COL5A3: variants seen among roughly 807,000 people sequenced by gnomAD.
COL5A3 encodes collagen alpha-3(V) chain.
In COL5A3, 172 loss-of-function variants were observed where a neutral mutation model predicts 250.0. The observed-to-expected ratio is 0.69, with a 90% CI of 0.61 to 0.78. The LOEUF (loss-of-function observed/expected upper bound fraction) is 0.78. Ranked by LOEUF, COL5A3 falls within the 30% of genes least tolerant of loss-of-function variation. The probability of loss-of-function intolerance (pLI) is 0.00; values close to 1 mark genes in which losing one functional copy is unlikely to be tolerated. For synonymous variants in COL5A3, 937 were observed against 900.4 expected, an observed-to-expected ratio of 1.04 and a Z score of -0.73; for missense variants, 2,340 against 2,334.4, an observed-to-expected ratio of 1.00 and a Z score of -0.05.
chr19:9,991,122 G>T (rs374084960), intron 24 of COL5A3, among the ~76,000 whole-genome samples: 2 of 152,280 alleles, frequency 1.3e-5, no homozygotes, highest in Admixed American at 1.3e-4. Context: ...TGCGCTGATA[G>T]TCCCAGCTAC....
chr19:9,991,926 A>G (rs1384048803), intron 22 of COL5A3, 78 bp downstream of exon 22: 1 of 1,573,524 alleles, frequency 6.4e-7, no homozygotes, highest in Admixed American at 1.7e-5. Flanking sequence ...GGGGTCAGTC[A>G]TGGAAGGGAA....
chr19:9,969,319 C>A (rs2086795568), intron 57 of COL5A3, 30 bp downstream of exon 57: 5 of 1,570,896 alleles, frequency 3.2e-6, no homozygotes, highest in Non-Finnish European at 4.3e-6. Context: ...TCCTCAGAGC[C>A]AGAACCTCAA....
At chr19:9,991,582 G>C in intron 24 of COL5A3, 28 bp downstream of exon 24, 4 of 1,559,374 alleles carry the variant, frequency 2.6e-6, no homozygotes, top group Non-Finnish European at 3.5e-6. Flanking sequence ...GACTTGAGGA[G>C]GTCGCGGTAG....
In COL5A3 at chr19:9,993,763, G is replaced by A. The variant is rs183331047; in HGVS notation, c.1631C>T (p.Thr544Ile). Residue 544 changes from threonine (T) to isoleucine (I), a missense_variant, in exon 17 of 67, where the codon ACT (threonine) becomes ATT (isoleucine). Thr to Ile is a moderately conservative substitution (Grantham distance 89). Transcript: ENST00000264828. ...ADGARGLPGD[T>I]GPKGDRGFDG... ...GCCCCCATCACCTACCTTAGGTCCAGTGTCCCCTGGGAGGCCCCGAGCTCC... is the reference window on the plus strand; with the variant it reads ...GCCCCCATCACCTACCTTAGGTCCAATGTCCCCTGGGAGGCCCCGAGCTCC... The A allele has an allele frequency of 4.3e-6, 7 of 1,614,146 alleles. No homozygotes were observed. In the Admixed American group the frequency reaches 1.0e-4, roughly 23 times the overall value.
chr19:9,977,357 C>A lies in COL5A3; in HGVS notation c.3234+8G>T. 6.2e-7 allele frequency: 1 copy of A among 1,605,800 alleles called. No homozygotes were observed. Among genetic ancestry groups the A allele is most frequent in the South Asian group, 1.1e-5 (1 of 90,358 alleles). ...CCCCTGGACCCTTCCTCTCTGTGAACCCCTCACCTTGTCCCCTTCCTCGCC... is the reference window on the plus strand; with the variant it reads ...CCCCTGGACCCTTCCTCTCTGTGAAACCCTCACCTTGTCCCCTTCCTCGCC... On this transcript the variant is annotated splice_region_variant and intron_variant, in intron 43 of 66. Coordinates refer to ENST00000264828, the MANE Select transcript of COL5A3 (RefSeq NM_015719.4).
chr19:9,978,224 TA>T (rs1224413484), intron 41 of COL5A3, among the ~76,000 whole-genome samples: 4 of 152,050 alleles, frequency 2.6e-5, no homozygotes, highest in African/African-American at 9.7e-5. Flanking sequence ...ATGGCTATTT[TA>T]CAGACAAGGA....
At chr19:9,966,451 G>A in intron 63 of COL5A3, 25 bp from the exon 64 acceptor site, 1 of 1,582,824 alleles carries the variant, frequency 6.3e-7, no homozygotes, top group Non-Finnish European at 8.6e-7. Flanking sequence ...GGCAGGGTGG[G>A]TGAGTCCGGA....
chr19:9,992,210 G>A (rs537952892), intron 21 of COL5A3, among the ~76,000 whole-genome samples, 162 bp from the exon 22 acceptor site: 1 of 152,042 alleles, frequency 6.6e-6, no homozygotes, highest in East Asian at 1.9e-4. Context: ...ATCACCTGAG[G>A]TCGGGAGTTT....
intron 27 of COL5A3, among the ~76,000 whole-genome samples, chr19:9,988,704 G>A (rs1207384010): frequency 1.3e-5 from 2 of 151,634 alleles, no homozygotes; most frequent in African/African-American, 4.9e-5. Flanking sequence ...GGTGGTGCAT[G>A]CCTGCAGTCC....
At position 9,970,675 on chromosome 19, in the gene COL5A3, C is replaced by G; in HGVS notation, c.3883G>C (p.Gly1295Arg). The G allele has an allele frequency of 7.0e-7, 1 of 1,438,014 alleles. No individual in the cohort carries two copies. Among genetic ancestry groups the G allele is most frequent in the Non-Finnish European group, 9.1e-7 (1 of 1,095,876 alleles). 89.1% of individuals were successfully genotyped at this position (1,438,014 alleles called of 1,614,324 possible). A position where few individuals can be genotyped will look rare whatever the true frequency, so the allele number is the denominator to read the frequency against. Residue 1295 changes from glycine to arginine, a missense_variant and splice_region_variant, in exon 54 of 67, where the codon GGT becomes CGT. Physicochemically the swap from Gly to Arg is moderately radical, Grantham distance 125. Around this residue, in one of 3 missense-constraint regions of COL5A3, gnomAD observed 1,179 missense variants for 1,162.6 expected, o/e 1.01. Coordinates refer to ENST00000264828, the MANE Select transcript of COL5A3 (RefSeq NM_015719.4). ...GGCTCCCCAGAAGCTCCAGGCGGAC[C>G]CTGGAGGAGACAAGGACACCAGCTG... ...KGDPGDVGGP[G>R]PPGASGEPGA...
intron 1 of COL5A3, among the ~76,000 whole-genome samples, chr19:10,007,317 A>C (rs1210492096): frequency 6.6e-6 from 1 of 151,808 alleles, no homozygotes; most frequent in African/African-American, 2.4e-5. Context: ...TGACCTCCTC[A>C]TTTCATCTCT....
chr19:9,978,634 G>A lies in COL5A3; in HGVS notation c.2965-7C>T, dbSNP rs1275745998. 1 of 1,551,660 alleles carries A rather than the reference G, an allele frequency of 6.4e-7. No homozygotes were observed. Among genetic ancestry groups the A allele is most frequent in the Non-Finnish European group, 8.7e-7 (1 of 1,151,072 alleles). ...CCTTTAAGCCAGTAGGTCCCTGAAGGAGGAGATAATTCACAGTTAAGAGAC... is the reference window on the plus strand; with the variant it reads ...CCTTTAAGCCAGTAGGTCCCTGAAGAAGGAGATAATTCACAGTTAAGAGAC... On this transcript the variant is annotated splice_region_variant and splice_polypyrimidine_tract_variant and intron_variant, in intron 40 of 66. Transcript: ENST00000264828.
intron 31 of COL5A3, among the ~76,000 whole-genome samples, chr19:9,983,323 G>C (rs541644291): frequency 6.6e-6 from 1 of 151,794 alleles, no homozygotes; most frequent in East Asian, 2.0e-4. Context: ...GCAGCATAGC[G>C]AGACCCTGTC....
intron 24 of COL5A3, 135 bp downstream of exon 24, chr19:9,991,475 C>T (rs534293850): frequency 8.4e-5 from 58 of 694,430 alleles, no homozygotes; most frequent in African/African-American, 6.5e-4. Flanking sequence ...TTTGTATCTC[C>T]GGGCTGGCTT....
At chr19:9,999,590 G>C (rs1488539995) in intron 8 of COL5A3, among the ~76,000 whole-genome samples, 1 of 148,696 alleles carries the variant, frequency 6.7e-6, no homozygotes, top group Non-Finnish European at 1.5e-5. Flanking sequence ...TCAGCCTCCC[G>C]AGAAGCTGGG....
intron 11 of COL5A3, 199 bp downstream of exon 11, chr19:9,997,172 G>T (rs1452825316): frequency 6.6e-6 from 4 of 608,662 alleles, no homozygotes; most frequent in African/African-American, 3.7e-5. Context: ...AAGAAGAAAA[G>T]CAAAGAGTAG....
chr19:10,005,692 T>A lies in COL5A3; in HGVS notation c.460A>T (p.Ile154Leu). The change falls in exon 4 of 67, where the codon ATA becomes TTA. Residue 154 changes from isoleucine to leucine, a missense_variant. Ile to Leu is a conservative substitution (Grantham distance 5). Transcript: ENST00000264828. Reference protein sequence around the residue: ...DGRWHRVAVSIDGEMVTLVAD... With the variant: ...DGRWHRVAVSLDGEMVTLVAD... The stretch of plus-strand genomic sequence containing the variant: ...ACCAGGGTCACCATCTCACCATCTA[T>A]GCTGACGGCCACACGGTGCCACCTG... 1 of 1,611,950 alleles carries A rather than the reference T, an allele frequency of 6.2e-7. No homozygotes were observed. Among genetic ancestry groups the A allele is most frequent in the African/African-American group, 1.3e-5 (1 of 75,010 alleles).
At position 9,993,357 on chromosome 19, in the gene COL5A3, CCCTAACT is replaced by C. The variant is rs762647547; in HGVS notation, c.1749+16_1749+22del. On this transcript the variant is annotated intron_variant, in intron 19 of 66. Coordinates refer to ENST00000264828, the MANE Select transcript of COL5A3 (RefSeq NM_015719.4). ...TTCCAAACTTACTTTCCAAACCAGG[CCCTAACT>C]CTCTTCCAAACTTACCCTCTCACCA... The C allele has an allele frequency of 6.2e-7, 1 of 1,613,472 alleles. No homozygotes were observed. The highest frequency in any genetic ancestry group is 8.5e-7 in the Non-Finnish European group (1 of 1,179,404).
intron 30 of COL5A3, 59 bp downstream of exon 30, chr19:9,986,256 G>T: frequency 1.7e-6 from 2 of 1,185,122 alleles, no homozygotes; most frequent in Non-Finnish European, 2.4e-6. Context: ...GCAAAGGGCA[G>T]AGGGAAAAGA....
Sources: allele counts gnomAD v4.1 joint callset (sites outside exome capture counted in the v4.1 genomes callset), GRCh38; gene constraint gnomAD v4.1.1; regional missense constraint gnomAD v4.1.1; transcripts MANE v1.5; gene names NCBI Gene and HGNC (gene_info 2026-07-23, HGNC 2026-07-21).